The following STK33 variants were observed in gnomAD, a reference collection of about 807,000 sequenced individuals.
STK33 encodes serine/threonine-protein kinase 33.
A neutral mutation model predicts 58.0 loss-of-function variants in STK33; 52 were observed. The ratio of observed to expected loss-of-function variants is 0.90; its 90% CI spans 0.72 to 1.13. The LOEUF (loss-of-function observed/expected upper bound fraction) is 1.13, where lower values mean the gene tolerates loss of function less well. STK33 is among the 50% of genes most tolerant of loss of function. The pLI is 0.00. For missense variants in STK33, 630 were observed against 604.2 expected (o/e 1.04, Z -0.45); for synonymous variants, 215 against 200.1 (o/e 1.07, Z -0.63).
chr11:8,445,955 A>G (rs1045041500), intron 11 of STK33, among the ~76,000 whole-genome samples: 6 of 152,206 alleles, frequency 3.9e-5, no homozygotes, highest in Admixed American at 3.9e-4. Context: ...AAGGAATGGT[A>G]CCAGCTCCTC....
Position 8,392,217 on chromosome 11 carries a change from C to T in STK33, c.*293G>A, listed in dbSNP as rs1848670937. The stretch of plus-strand genomic sequence containing the variant: ...AAAAATGAGCAAGTGTGCCCACAGC[C>T]TTAAATTGAAGGTATCTGCCCCCCT... On this transcript the variant is annotated 3_prime_UTR_variant, in exon 16 of 16. Coordinates refer to ENST00000687296, the MANE Select transcript of STK33 (RefSeq NM_001352389.2). 5.0e-6 allele frequency: 2 copies of T among 401,936 alleles called. No individual in the cohort carries two copies. The highest frequency in any genetic ancestry group is 8.5e-5 in the South Asian group (2 of 23,636). The allele number at this position is 401,936 out of a possible 1,614,324, so 24.9% of individuals were successfully genotyped here. A position where few individuals can be genotyped will look rare whatever the true frequency, so the allele number is the denominator to read the frequency against.
chr11:8,561,903 C>G (rs975354974), intron 1 of STK33, among the ~76,000 whole-genome samples: 7 of 152,140 alleles, frequency 4.6e-5, no homozygotes, highest in African/African-American at 1.7e-4. Flanking sequence ...TTTCTTTTGT[C>G]TCTTATTTCT....
intron 14 of STK33, among the ~76,000 whole-genome samples, chr11:8,416,088 G>GT (rs1941078519): frequency 6.6e-6 from 1 of 152,168 alleles, no homozygotes; most frequent in Non-Finnish European, 1.5e-5. Flanking sequence ...AGCAAAGTGT[G>GT]TATTTGTGTT....
At chr11:8,477,759 A>G (rs77529704) in intron 2 of STK33, among the ~76,000 whole-genome samples, 2,279 of 152,292 alleles carry the variant, frequency 0.015, 51 homozygotes, top group African/African-American at 0.051. Flanking sequence ...AGTCATTATC[A>G]TATCACTGAC....
chr11:8,392,601 A>G lies in STK33; in HGVS notation c.1454T>C (p.Met485Thr), dbSNP rs759308961. 4 of 1,613,992 alleles carry G rather than the reference A, an allele frequency of 2.5e-6. No homozygotes were observed. Among genetic ancestry groups the G allele is most frequent in the South Asian group, 1.1e-5 (1 of 91,078 alleles). ...KLLPAEIKGEMEKTPVTPSQG... is the reference protein window; with the variant it reads ...KLLPAEIKGETEKTPVTPSQG... ...GCTTGGAGTCACAGGGGTTTTCTCC[A>G]TTTCTCCCTTGATTTCAGCTGGAAG... The change falls in exon 16 of 16, where the codon ATG becomes ACG. Residue 485 changes from methionine (M) to threonine (T), a missense_variant. Coordinates refer to ENST00000687296, the MANE Select transcript of STK33 (RefSeq NM_001352389.2).
At chr11:8,447,009 A>G (rs1207147023) in intron 11 of STK33, among the ~76,000 whole-genome samples, 1 of 152,240 alleles carries the variant, frequency 6.6e-6, no homozygotes, top group Non-Finnish European at 1.5e-5. Flanking sequence ...AGCAAAAGAA[A>G]CTATCATCAG....
chr11:8,428,137 A>G (rs1248908182), intron 14 of STK33, among the ~76,000 whole-genome samples: 2 of 152,214 alleles, frequency 1.3e-5, no homozygotes, highest in African/African-American at 2.4e-5. Flanking sequence ...AGGTACTCCT[A>G]AAGTACACCA....
chr11:8,460,632 C>T (rs887842970), intron 8 of STK33, among the ~76,000 whole-genome samples: 1 of 151,852 alleles, frequency 6.6e-6, no homozygotes, highest in African/African-American at 2.4e-5. Context: ...AATAATAGCC[C>T]CCAATTTCCT....
chr11:8,474,329 A>AC (rs1242063287), intron 5 of STK33, among the ~76,000 whole-genome samples: 3 of 152,236 alleles, frequency 2.0e-5, no homozygotes, highest in African/African-American at 7.2e-5. Flanking sequence ...CCTTTACTTA[A>AC]CCACAACTAT....
chr11:8,565,421 G>A (rs1591818153), intron 1 of STK33, among the ~76,000 whole-genome samples: 1 of 152,102 alleles, frequency 6.6e-6, no homozygotes, highest in East Asian at 1.9e-4. Flanking sequence ...TAAAACTGGG[G>A]CAAAAAAAGA....
At chr11:8,337,211 A>T in the STK33 span, among the ~76,000 whole-genome samples, 1 of 152,228 alleles carries the variant, frequency 6.6e-6, no homozygotes, top group African/African-American at 2.4e-5. Flanking sequence ...TCAAAGGCAA[A>T]TCTAAATTAC....
chr11:8,358,800 T>C, the STK33 span, among the ~76,000 whole-genome samples: 3 of 152,234 alleles, frequency 2.0e-5, no homozygotes, highest in Admixed American at 2.0e-4. Context: ...GAAAATTTAA[T>C]GAGGAATGGG....
chr11:8,508,263 A>ATTTTT (rs1257195992), intron 1 of STK33, among the ~76,000 whole-genome samples: 1 of 98,316 alleles, frequency 1.0e-5, no homozygotes, highest in African/African-American at 4.7e-5. Flanking sequence ...TCTACCTTCT[A>ATTTTT]TTCTTTTTTT....
chr11:8,432,111 C>T (rs1335816196), intron 14 of STK33, among the ~76,000 whole-genome samples: 2 of 152,210 alleles, frequency 1.3e-5, no homozygotes, highest in Admixed American at 6.5e-5. Context: ...TGCGTGTACA[C>T]ACAATGTGTT....
chr11:8,369,066 G>A, the STK33 span, among the ~76,000 whole-genome samples: 9 of 152,286 alleles, frequency 5.9e-5, no homozygotes, highest in Admixed American at 5.9e-4. Flanking sequence ...TCGGTTCACT[G>A]CCATGGGGAC....
Position 8,473,145 on chromosome 11 carries a change from C to T in STK33, c.339+18G>A. Reference sequence around the variant, plus strand: ...GAAACCTGAAAGTTCACAGTAGCTTCATTTGCTTTCTATATACCTCAATAG... The same window carrying T: ...GAAACCTGAAAGTTCACAGTAGCTTTATTTGCTTTCTATATACCTCAATAG... On this transcript the variant is annotated intron_variant, in intron 6 of 15. Transcript: ENST00000687296. 6.6e-7 allele frequency: 1 copy of T among 1,520,864 alleles called. No homozygotes were observed. 94.2% of individuals were successfully genotyped at this position (1,520,864 alleles called of 1,614,324 possible).
At chr11:8,394,990 T>C (rs940528145) in intron 15 of STK33, among the ~76,000 whole-genome samples, 5 of 152,154 alleles carry the variant, frequency 3.3e-5, no homozygotes, top group South Asian at 2.1e-4. Context: ...ACAACCAATA[T>C]TGTCAATTTA....
intron 1 of STK33, among the ~76,000 whole-genome samples, chr11:8,505,720 C>T (rs1951817541): frequency 1.3e-5 from 2 of 152,322 alleles, no homozygotes; most frequent in South Asian, 4.1e-4. Context: ...CATTACTTTA[C>T]TCCTGTTGCC....
intron 1 of STK33, among the ~76,000 whole-genome samples, chr11:8,570,468 A>G (rs906887380): frequency 6.6e-6 from 1 of 152,272 alleles, no homozygotes; most frequent in Non-Finnish European, 1.5e-5. Context: ...ATCCAAATAT[A>G]TAACAGCTTT....
Sources: allele counts gnomAD v4.1 joint callset (sites outside exome capture counted in the v4.1 genomes callset), GRCh38; gene constraint gnomAD v4.1.1; transcripts MANE v1.5; gene names NCBI Gene and HGNC (gene_info 2026-07-23, HGNC 2026-07-21).